The following NEMP2 variants were observed in gnomAD, a reference collection of about 807,000 sequenced individuals.
The protein encoded by NEMP2 is nuclear envelope integral membrane protein 2.
NEMP2 carries 53 observed loss-of-function variants against 54.2 expected under a neutral mutation model. The observed-to-expected ratio is 0.98, with a 90% CI of 0.78 to 1.23. The LOEUF (loss-of-function observed/expected upper bound fraction) is 1.23, where lower values mean the gene tolerates loss of function less well. Ranked by LOEUF, NEMP2 falls within the 50% of genes most tolerant of loss-of-function variation. NEMP2 has a pLI of 0.00. For synonymous variants in NEMP2, 197 were observed against 190.3 expected (o/e 1.04, Z -0.29); for missense variants, 455 against 511.3 (o/e 0.89, Z 1.06).
upstream of NEMP2, among the ~76,000 whole-genome samples, chr2:190,538,630 A>G (rs1691452059): frequency 1.3e-5 from 2 of 151,660 alleles, no homozygotes; most frequent in African/African-American, 4.9e-5. This position sits in a 1 kb window ranked among gnomAD's most constrained non-coding sequence, Gnocchi z 4.1. Context: ...AGCATATGTT[A>G]TTCCCTGTCT....
chr2:190,642,327 C>T, the NEMP2 span, among the ~76,000 whole-genome samples: 1 of 152,096 alleles, frequency 6.6e-6, no homozygotes, highest in Non-Finnish European at 1.5e-5. The surrounding 1 kb of genome is among the most constrained non-coding windows in gnomAD (Gnocchi z 4.1). Flanking sequence ...TGAATTTCTG[C>T]AAGGTATTTG....
the NEMP2 span, among the ~76,000 whole-genome samples, chr2:190,601,088 A>G: frequency 4.7e-3 from 709 of 152,320 alleles, 10 homozygotes; most frequent in African/African-American, 0.017. This position sits in a 1 kb window ranked among gnomAD's most constrained non-coding sequence, Gnocchi z 5.8. Context: ...AAATAGGGTC[A>G]TGGCAAGTGT....
At chr2:190,589,015 G>A in the NEMP2 span, among the ~76,000 whole-genome samples, 7 of 151,998 alleles carry the variant, frequency 4.6e-5, no homozygotes, top group African/African-American at 1.7e-4. This position sits in a 1 kb window ranked among gnomAD's most constrained non-coding sequence, Gnocchi z 4.3. Context: ...TCTTTATATG[G>A]GCTAACTTTC....
chr2:190,505,455 T>C lies in NEMP2; in HGVS notation c.*3734A>G, dbSNP rs1690165160. ...AGTCAATGTTGGTATTCTTTCCCTT[T>C]CTCTTTTCAATCAGTCTTTCTTTTT... On this transcript the variant is annotated 3_prime_UTR_variant, in exon 9 of 9. Coordinates refer to ENST00000409150, the MANE Select transcript of NEMP2 (RefSeq NM_001142645.2). This position sits in a 1 kb window ranked among gnomAD's most constrained non-coding sequence, Gnocchi z 5.8. 1 of 152,174 alleles carries C rather than the reference T, an allele frequency of 6.6e-6. No homozygotes were observed. The highest frequency in any genetic ancestry group is 2.4e-5 in the African/African-American group (1 of 41,424). 9.4% of individuals were successfully genotyped at this position (152,174 alleles called of 1,614,324 possible).
At chr2:190,428,683 T>A in the NEMP2 span, among the ~76,000 whole-genome samples, 1 of 151,948 alleles carries the variant, frequency 6.6e-6, no homozygotes, top group African/African-American at 2.4e-5. Context: ...ATTTATTTAT[T>A]TATTTATTGA....
the NEMP2 span, among the ~76,000 whole-genome samples, chr2:190,584,918 A>C: frequency 1.0e-4 from 11 of 107,128 alleles, no homozygotes; most frequent in Admixed American, 7.2e-4. This position sits in a 1 kb window ranked among gnomAD's most constrained non-coding sequence, Gnocchi z 4.2. Flanking sequence ...AAAGAAAGAA[A>C]GAAAGAAAGA....
the NEMP2 span, among the ~76,000 whole-genome samples, chr2:190,431,389 C>T: frequency 6.6e-6 from 1 of 152,224 alleles, no homozygotes; most frequent in African/African-American, 2.4e-5. This position sits in a 1 kb window ranked among gnomAD's most constrained non-coding sequence, Gnocchi z 4.4. Context: ...GCCGAGATCA[C>T]CCCACTGCAC....
chr2:190,463,794 T>G, the NEMP2 span: 1 of 834,052 alleles, frequency 1.2e-6, no homozygotes, highest in African/African-American at 1.8e-5. The surrounding 1 kb of genome is among the most constrained non-coding windows in gnomAD (Gnocchi z 4.4). Flanking sequence ...CACTCCAGCC[T>G]GGGTAACAGA....
At chr2:190,454,844 A>G in the NEMP2 span, among the ~76,000 whole-genome samples, 313 of 152,238 alleles carry the variant, frequency 2.1e-3, 2 homozygotes, top group African/African-American at 7.3e-3. This position sits in a 1 kb window ranked among gnomAD's most constrained non-coding sequence, Gnocchi z 4.6. Flanking sequence ...ATAGGGACCT[A>G]TGGCCTAACA....
At chr2:190,535,437 C>T (rs943166048), upstream of NEMP2, among the ~76,000 whole-genome samples, 1 of 152,064 alleles carries the variant, frequency 6.6e-6, no homozygotes, top group Non-Finnish European at 1.5e-5. Context: ...AACATATAAC[C>T]TGAATGATCT....
At chr2:190,563,190 T>G in the NEMP2 span, among the ~76,000 whole-genome samples, 24 of 152,188 alleles carry the variant, frequency 1.6e-4, no homozygotes, top group Non-Finnish European at 3.2e-4. The surrounding 1 kb of genome is among the most constrained non-coding windows in gnomAD (Gnocchi z 4.3). Flanking sequence ...GGCTTTGTGC[T>G]GTGTTCTCCT....
At chr2:190,518,052 C>T (rs1193985396) in intron 4 of NEMP2, among the ~76,000 whole-genome samples, 1 of 152,082 alleles carries the variant, frequency 6.6e-6, no homozygotes, top group Non-Finnish European at 1.5e-5. Context: ...TTCTAAAGTT[C>T]ATGGATGACA....
At chr2:190,575,394 A>C in the NEMP2 span, among the ~76,000 whole-genome samples, 1 of 152,176 alleles carries the variant, frequency 6.6e-6, no homozygotes, top group Non-Finnish European at 1.5e-5. Flanking sequence ...GGTTAAAAAA[A>C]AAGTGTGTTC....
the NEMP2 span, among the ~76,000 whole-genome samples, chr2:190,434,240 G>A: frequency 7.9e-4 from 120 of 151,516 alleles, 2 homozygotes; most frequent in Middle Eastern, 6.8e-3. The surrounding 1 kb of genome is among the most constrained non-coding windows in gnomAD (Gnocchi z 4.3). Flanking sequence ...CATATTTAAT[G>A]TATATACTTC....
At chr2:190,621,597 G>GTT in the NEMP2 span, among the ~76,000 whole-genome samples, 34 of 144,002 alleles carry the variant, frequency 2.4e-4, no homozygotes, top group African/African-American at 7.8e-4. Context: ...CTGTCTTTGG[G>GTT]TTTTTTTTTT....
the NEMP2 span, among the ~76,000 whole-genome samples, chr2:190,602,061 T>C: frequency 9.8e-3 from 1,494 of 152,208 alleles, 7 homozygotes; most frequent in South Asian, 0.021. Flanking sequence ...GATGAAAATA[T>C]GATTTTATTA....
chr2:190,558,968 A>G, the NEMP2 span, among the ~76,000 whole-genome samples: 15 of 152,330 alleles, frequency 9.8e-5, no homozygotes, highest in African/African-American at 3.4e-4. The surrounding 1 kb of genome is among the most constrained non-coding windows in gnomAD (Gnocchi z 4.4). Flanking sequence ...TTCCATTTTA[A>G]TCTATTTCAT....
the NEMP2 span, among the ~76,000 whole-genome samples, chr2:190,639,668 T>C: frequency 6.6e-6 from 1 of 152,042 alleles, no homozygotes; most frequent in African/African-American, 2.4e-5. Context: ...TTTTGTTTTT[T>C]GACGGAGTCT....
chr2:190,618,563 T>G, the NEMP2 span, among the ~76,000 whole-genome samples: 1 of 152,164 alleles, frequency 6.6e-6, no homozygotes, highest in Non-Finnish European at 1.5e-5. Context: ...ACAAAGGAGA[T>G]AATTCCCCAT....
Sources: allele counts gnomAD v4.1 joint callset (sites outside exome capture counted in the v4.1 genomes callset), GRCh38; gene constraint gnomAD v4.1.1; non-coding constraint Gnocchi (gnomAD v3.1); transcripts MANE v1.5; gene names NCBI Gene and HGNC (gene_info 2026-07-23, HGNC 2026-07-21).